The following EPHB1 variants were observed in gnomAD, a reference collection of about 807,000 sequenced individuals.
EPHB1 encodes the protein ephrin type-B receptor 1.
A neutral mutation model predicts 94.4 loss-of-function variants in EPHB1; 30 were observed. That is an observed-to-expected ratio of 0.32 (90% CI 0.24 to 0.43). The LOEUF (loss-of-function observed/expected upper bound fraction) is 0.43, where lower values mean the gene tolerates loss of function less well. EPHB1 is among the 20% of genes least tolerant of loss of function. The pLI is 1.00. For missense variants in EPHB1, 1,055 were observed against 1,308.3 expected (o/e 0.81, Z 2.99); for synonymous variants, 522 against 489.1 (o/e 1.07, Z -0.89).
At chr3:135,034,755 C>T (rs1201380506) in intron 3 of EPHB1, among the ~76,000 whole-genome samples, 1 of 152,244 alleles carries the variant, frequency 6.6e-6, no homozygotes, top group Non-Finnish European at 1.5e-5. Context: ...CAGCTGGAGG[C>T]CTATGAATGC....
intron 12 of EPHB1, 81 bp downstream of exon 12, chr3:135,201,770 C>A: frequency 1.5e-6 from 2 of 1,367,608 alleles, no homozygotes; most frequent in Admixed American, 1.9e-5. Flanking sequence ...TGTGACAGGG[C>A]ACACTGGGAG....
At chr3:135,253,504 T>C (rs1235247326) in intron 15 of EPHB1, among the ~76,000 whole-genome samples, 1 of 151,928 alleles carries the variant, frequency 6.6e-6, no homozygotes, top group Non-Finnish European at 1.5e-5. Flanking sequence ...CTCAGGTTTG[T>C]GAAAGATCAG....
intron 1 of EPHB1, among the ~76,000 whole-genome samples, chr3:134,797,276 C>G (rs369720422): frequency 6.6e-6 from 1 of 152,188 alleles, no homozygotes; most frequent in East Asian, 1.9e-4. Context: ...CGTCAACACC[C>G]TGGCGCAGGG....
chr3:135,099,619 A>G (rs1938958670), intron 3 of EPHB1, among the ~76,000 whole-genome samples: 1 of 152,176 alleles, frequency 6.6e-6, no homozygotes, highest in Admixed American at 6.5e-5. Flanking sequence ...AGAGCTGGGA[A>G]CCTATTTGTT....
At chr3:135,032,924 C>T (rs1186380808) in intron 3 of EPHB1, among the ~76,000 whole-genome samples, 1 of 152,148 alleles carries the variant, frequency 6.6e-6, no homozygotes, top group African/African-American at 2.4e-5. Flanking sequence ...TGTGTACAGA[C>T]CTCTTGTATG....
intron 3 of EPHB1, among the ~76,000 whole-genome samples, chr3:135,103,566 G>A (rs980514185): frequency 8.5e-5 from 13 of 152,122 alleles, no homozygotes; most frequent in Non-Finnish European, 1.8e-4. Context: ...ATAATCTGTG[G>A]GAGTTATTGT....
intron 1 of EPHB1, among the ~76,000 whole-genome samples, chr3:134,869,299 G>A (rs777297994): frequency 3.3e-5 from 5 of 152,304 alleles, no homozygotes; most frequent in African/African-American, 4.8e-5. Flanking sequence ...AAACAGTGCC[G>A]TGGATCTGGT....
At chr3:135,126,721 T>C (rs149525314) in intron 4 of EPHB1, among the ~76,000 whole-genome samples, 176 of 152,330 alleles carry the variant, frequency 1.2e-3, no homozygotes, top group African/African-American at 4.1e-3. Context: ...ACTGGTCATG[T>C]CTTTTCCCAA....
chr3:134,839,034 G>A (rs1030884733), intron 1 of EPHB1, among the ~76,000 whole-genome samples: 13 of 152,216 alleles, frequency 8.5e-5, no homozygotes, highest in East Asian at 1.9e-4. Flanking sequence ...ATTTGTACAC[G>A]ACTGCCTACT....
At chr3:134,816,852 A>G (rs2036283217) in intron 1 of EPHB1, among the ~76,000 whole-genome samples, 1 of 151,944 alleles carries the variant, frequency 6.6e-6, no homozygotes, top group African/African-American at 2.4e-5. Context: ...CAAGAGTCGC[A>G]GGCGTCTCAG....
intron 1 of EPHB1, among the ~76,000 whole-genome samples, chr3:134,801,883 T>C (rs2035941039): frequency 6.6e-6 from 1 of 152,180 alleles, no homozygotes; most frequent in Non-Finnish European, 1.5e-5. Context: ...TTGTTGATCA[T>C]TCCCCTGGGG....
intron 1 of EPHB1, among the ~76,000 whole-genome samples, chr3:134,853,903 G>C (rs1354553873): frequency 6.6e-6 from 1 of 152,172 alleles, no homozygotes; most frequent in African/African-American, 2.4e-5. Flanking sequence ...CCAGGACAGA[G>C]AGCCCATCCA....
intron 10 of EPHB1, 79 bp from the exon 11 acceptor site, chr3:135,192,497 G>T (rs2107709871): frequency 6.6e-7 from 1 of 1,525,218 alleles, no homozygotes. Context: ...GGGCACCATT[G>T]TTCTCCATTA....
intron 4 of EPHB1, among the ~76,000 whole-genome samples, chr3:135,113,533 G>C (rs1192193544): frequency 6.6e-6 from 1 of 152,128 alleles, no homozygotes; most frequent in African/African-American, 2.4e-5. Context: ...AGAGGCAGAG[G>C]CGGTCATGCC....
intron 3 of EPHB1, among the ~76,000 whole-genome samples, chr3:135,026,832 C>A (rs1936195276): frequency 6.9e-6 from 1 of 145,716 alleles, no homozygotes; most frequent in African/African-American, 2.6e-5. Context: ...GGTATTGATT[C>A]TTCCTACCCA....
chr3:135,235,515 A>G (rs965015512), intron 12 of EPHB1, among the ~76,000 whole-genome samples: 2 of 152,186 alleles, frequency 1.3e-5, no homozygotes, highest in Admixed American at 6.5e-5. Context: ...CTGACATTCA[A>G]ATCACCTGAA....
chr3:135,068,867 C>G (rs1937623152), intron 3 of EPHB1, among the ~76,000 whole-genome samples: 1 of 151,474 alleles, frequency 6.6e-6, no homozygotes, highest in African/African-American at 2.4e-5. Flanking sequence ...CCAGGATGGT[C>G]TCAATCTCCT....
At chr3:135,010,562 T>C (rs1935585400) in intron 3 of EPHB1, among the ~76,000 whole-genome samples, 2 of 92,362 alleles carry the variant, frequency 2.2e-5, no homozygotes, top group Admixed American at 9.1e-5. Flanking sequence ...TTTTCTGTTT[T>C]TTTTTTTTTT....
At chr3:135,247,286 A>T (rs1943949375) in intron 13 of EPHB1, among the ~76,000 whole-genome samples, 1 of 152,198 alleles carries the variant, frequency 6.6e-6, no homozygotes. Context: ...TTTGTTTTTT[A>T]CAAAGCAAGA....
Sources: allele counts gnomAD v4.1 joint callset (sites outside exome capture counted in the v4.1 genomes callset), GRCh38; gene constraint gnomAD v4.1.1; transcripts MANE v1.5; gene names NCBI Gene and HGNC (gene_info 2026-07-23, HGNC 2026-07-21).